GSE1: variants seen among roughly 807,000 people sequenced by gnomAD.
GSE1 encodes the protein Gse1 coiled-coil protein.
A neutral mutation model predicts 112.6 loss-of-function variants in GSE1; 32 were observed. The ratio of observed to expected loss-of-function variants is 0.28; its 90% CI spans 0.21 to 0.38. The LOEUF is 0.38. Ranked by LOEUF, GSE1 falls within the 10% of genes least tolerant of loss-of-function variation. The pLI, the probability that GSE1 is intolerant of heterozygous loss-of-function variation, is 1.00. For synonymous variants in GSE1, 1,115 were observed against 735.6 expected (o/e 1.52, Z -8.35); for missense variants, 2,348 against 1,699.2 (o/e 1.38, Z -6.71).
chr16:85,635,856 C>T (rs1006721406), intron 2 of GSE1, among the ~76,000 whole-genome samples: 2 of 152,214 alleles, frequency 1.3e-5, no homozygotes, highest in Admixed American at 6.5e-5. Flanking sequence ...TTTCCCTCCT[C>T]GCCAAGGAAG....
At chr16:85,590,646 C>T (rs564974894) in intron 1 of GSE1, among the ~76,000 whole-genome samples, 2 of 151,772 alleles carry the variant, frequency 1.3e-5, no homozygotes, top group Admixed American at 6.6e-5. Flanking sequence ...TGTGTGTGAG[C>T]GTGTGTGATT....
intron 2 of GSE1, among the ~76,000 whole-genome samples, chr16:85,385,806 A>G (rs1241852048): frequency 6.6e-6 from 1 of 151,942 alleles, no homozygotes; most frequent in African/African-American, 2.4e-5. Context: ...GGACAGGGGG[A>G]GGGGAGCCAT....
intron 1 of GSE1, among the ~76,000 whole-genome samples, chr16:85,557,053 C>T (rs1468622677): frequency 6.6e-6 from 1 of 151,888 alleles, no homozygotes; most frequent in Non-Finnish European, 1.5e-5. Context: ...GGGTTGACAG[C>T]TGGAGGTTTG....
At chr16:85,608,121 G>T (rs755698407), upstream of GSE1, among the ~76,000 whole-genome samples, 5 of 152,160 alleles carry the variant, frequency 3.3e-5, no homozygotes, top group Non-Finnish European at 5.9e-5. Context: ...GATGTAAGCC[G>T]GGCTTTGAAG....
intron 2 of GSE1, among the ~76,000 whole-genome samples, chr16:85,544,183 T>C (rs758755881): frequency 7.9e-5 from 12 of 152,136 alleles, no homozygotes; most frequent in Non-Finnish European, 1.6e-4. Context: ...TGACATCTCG[T>C]GGGTCGAGGC....
At chr16:85,349,998 T>A (rs1305581702) in intron 1 of GSE1, among the ~76,000 whole-genome samples, 1 of 152,290 alleles carries the variant, frequency 6.6e-6, no homozygotes, top group Non-Finnish European at 1.5e-5. Context: ...AGAGGACACA[T>A]GCTGGCCTGC....
chr16:85,287,696 G>A (rs774777525), intron 1 of GSE1, among the ~76,000 whole-genome samples: 3 of 151,832 alleles, frequency 2.0e-5, no homozygotes, highest in Non-Finnish European at 4.4e-5. Flanking sequence ...CCCCAGACTT[G>A]ACAGTCCTGA....
upstream of GSE1, chr16:85,555,057 C>G: frequency 1.0e-6 from 1 of 985,354 alleles, no homozygotes; most frequent in Non-Finnish European, 1.2e-6. Context: ...TTATTATCGC[C>G]CTGCGAAGCA....
chr16:85,446,543 G>A (rs965807882), intron 2 of GSE1, among the ~76,000 whole-genome samples: 4 of 152,182 alleles, frequency 2.6e-5, no homozygotes, highest in African/African-American at 9.6e-5. Context: ...TGGGTTCTGC[G>A]ATGACCGGGC....
intron 2 of GSE1, among the ~76,000 whole-genome samples, chr16:85,484,937 C>T (rs116603458): frequency 6.6e-6 from 1 of 152,248 alleles, no homozygotes; most frequent in African/African-American, 2.4e-5. Context: ...GGCTGCACCC[C>T]GAATCTAGCC....
intron 14 of GSE1, 28 bp downstream of exon 14, chr16:85,668,452 A>T: frequency 9.7e-5 from 86 of 887,048 alleles, no homozygotes; most frequent in Non-Finnish European, 1.4e-4. Context: ...AAGAGGGGGG[A>T]GGGGGTCAGG....
Position 85,373,838 on chromosome 16 carries a change from G to T in GSE1, c.2464+16195G>T, listed in dbSNP as rs552599304. On this transcript the variant is annotated intron_variant, in intron 2 of 2. Transcript: ENST00000637419. The surrounding 1 kb of genome is among the most constrained non-coding windows in gnomAD (Gnocchi z 5.1). Reference sequence around the variant, plus strand: ...GTGCTCCTGCCCCACGGTGCCCCACGGTTACCACCGCCACGGCAGGGCCAG... The same window carrying T: ...GTGCTCCTGCCCCACGGTGCCCCACTGTTACCACCGCCACGGCAGGGCCAG... 4.4e-4 allele frequency among the ~76,000 whole-genome samples: 67 copies of T among 152,214 alleles called. No individual in the cohort carries two copies. The East Asian group carries it at 0.012, about 27-fold the overall frequency.
intron 2 of GSE1, among the ~76,000 whole-genome samples, chr16:85,644,808 C>T (rs1042092039): frequency 6.6e-6 from 1 of 151,658 alleles, no homozygotes; most frequent in African/African-American, 2.4e-5. Flanking sequence ...AATCATAGCT[C>T]GGTGAAGCTA....
At chr16:85,284,220 C>T (rs981066829) in intron 1 of GSE1, among the ~76,000 whole-genome samples, 20 of 152,346 alleles carry the variant, frequency 1.3e-4, no homozygotes, top group African/African-American at 4.3e-4. Context: ...CTTTAGCTGT[C>T]GCTGTAGGGC....
intron 1 of GSE1, among the ~76,000 whole-genome samples, chr16:85,175,966 A>G (rs751674280): frequency 3.3e-5 from 5 of 152,090 alleles, no homozygotes; most frequent in Non-Finnish European, 5.9e-5. Flanking sequence ...TCCAGCCTCT[A>G]CTTGGTCTTG....
In GSE1 at chr16:85,504,942, C is replaced by T. The variant is rs185007061; in HGVS notation, c.2465-128972C>T. Among the ~76,000 whole-genome samples, 353 of 152,304 alleles carry T rather than the reference C, an allele frequency of 2.3e-3. 1 individual carries two copies. Among genetic ancestry groups the T allele is most frequent in the Non-Finnish European group, 3.5e-3 (238 of 68,030 alleles). On this transcript the variant is annotated intron_variant, in intron 2 of 2. Transcript: ENST00000637419. Reference sequence around the variant, plus strand: ...ATGAAGGTCTGAAAGGAAGTTATGACGATGAAGTCGCTGCATCGAGAGTTC... The same window carrying T: ...ATGAAGGTCTGAAAGGAAGTTATGATGATGAAGTCGCTGCATCGAGAGTTC...
intron 1 of GSE1, among the ~76,000 whole-genome samples, chr16:85,584,726 A>G (rs998944496): frequency 6.6e-6 from 1 of 152,260 alleles, no homozygotes; most frequent in African/African-American, 2.4e-5. Flanking sequence ...GCTGAACGAT[A>G]AAATTCTTTC....
intron 2 of GSE1, among the ~76,000 whole-genome samples, chr16:85,637,178 C>A (rs574228137): frequency 6.6e-6 from 1 of 152,228 alleles, no homozygotes; most frequent in South Asian, 2.1e-4. Flanking sequence ...TCAGCTCCCA[C>A]GCCCTCCCCC....
chr16:85,610,651 G>A (rs2047928279), upstream of GSE1, among the ~76,000 whole-genome samples: 1 of 152,190 alleles, frequency 6.6e-6, no homozygotes, highest in Admixed American at 6.5e-5. Context: ...AGCGTTTCCC[G>A]GCCAGGACTC....
Sources: allele counts gnomAD v4.1 joint callset (sites outside exome capture counted in the v4.1 genomes callset), GRCh38; gene constraint gnomAD v4.1.1; non-coding constraint Gnocchi (gnomAD v3.1); transcripts MANE v1.5; gene names NCBI Gene and HGNC (gene_info 2026-07-23, HGNC 2026-07-21).